TRIM16: variants seen among roughly 807,000 people sequenced by gnomAD.
TRIM16 encodes the protein tripartite motif containing 16, also known as tripartite motif-containing protein 16.
TRIM16 carries 33 observed loss-of-function variants against 50.4 expected under a neutral mutation model. That is an observed-to-expected ratio of 0.65 (90% CI 0.50 to 0.88). The LOEUF (loss-of-function observed/expected upper bound fraction) is 0.88, where lower values mean the gene tolerates loss of function less well. Among genes scored for constraint, TRIM16 ranks in the 40% least tolerant of loss-of-function variants. TRIM16 has a pLI of 0.00. For synonymous variants in TRIM16, 229 were observed against 270.7 expected (o/e 0.85, Z 1.51); for missense variants, 581 against 686.8 (o/e 0.85, Z 1.72).
At chr17:15,653,808 G>C (rs1987841904) in intron 6 of TRIM16, among the ~76,000 whole-genome samples, 1 of 152,202 alleles carries the variant, frequency 6.6e-6, no homozygotes, top group Non-Finnish European at 1.5e-5. Flanking sequence ...GAAGAAAGAG[G>C]CTGCGAGGCA....
chr17:15,649,844 G>C (rs1385516249), intron 7 of TRIM16, among the ~76,000 whole-genome samples: 7 of 152,286 alleles, frequency 4.6e-5, no homozygotes, highest in South Asian at 2.1e-4. Flanking sequence ...TTTGAAGATT[G>C]GGTGAGAAAA....
intron 4 of TRIM16, among the ~76,000 whole-genome samples, chr17:15,680,656 G>A (rs1361938043): frequency 6.6e-6 from 1 of 152,020 alleles, no homozygotes; most frequent in African/African-American, 2.4e-5. Flanking sequence ...ATACAACTGA[G>A]GAACACGCAA....
chr17:15,660,853 G>A lies in TRIM16; in HGVS notation c.-337-8907C>T, dbSNP rs532927063. On this transcript the variant is annotated intron_variant, in intron 6 of 11. Transcript: ENST00000649191. ...GCAGAGCTTGCAGTGAGCCAAGATC[G>A]TGCCACTGCACTCCAGCCTGGGCGA... Among the ~76,000 whole-genome samples the A allele has an allele frequency of 1.9e-3, 274 of 141,308 alleles. 1 individual carries two copies. Among genetic ancestry groups the A allele is most frequent in the Middle Eastern group, 3.7e-3 (1 of 268 alleles). The allele number at this position is 141,308 out of a possible 152,430, so 92.7% of individuals were successfully genotyped here.
intron 8 of TRIM16, among the ~76,000 whole-genome samples, chr17:15,636,927 T>A (rs1437175811): frequency 6.7e-6 from 1 of 149,534 alleles, no homozygotes; most frequent in Non-Finnish European, 1.5e-5. Context: ...TGTGGACTCT[T>A]TTGCATGGTA....
chr17:15,664,686 C>A (rs922881503), intron 6 of TRIM16, among the ~76,000 whole-genome samples: 1 of 152,060 alleles, frequency 6.6e-6, no homozygotes, highest in Non-Finnish European at 1.5e-5. Context: ...AGTGAAGTGG[C>A]TCCTGTCACA....
intron 11 of TRIM16, among the ~76,000 whole-genome samples, chr17:15,630,844 T>C (rs1429378726): frequency 6.6e-6 from 1 of 150,416 alleles, no homozygotes. Context: ...CATATATATA[T>C]GTCTACATGT....
In TRIM16 at chr17:15,650,614, T is replaced by C. The variant is rs574389447; in HGVS notation, c.519+477A>G. Among the ~76,000 whole-genome samples the C allele has an allele frequency of 5.9e-5, 9 of 152,226 alleles. No individual in the cohort carries two copies. In the South Asian group the frequency reaches 6.2e-4, roughly 10 times the overall value. ...TTATCTCCAGAGGGGCCCATTCTAC[T>C]GGTCTCTTGTTTGAGAAAAAGAGAA... On this transcript the variant is annotated intron_variant, in intron 7 of 11. Transcript: ENST00000649191.
chr17:15,666,329 G>T (rs1444822096), intron 6 of TRIM16, among the ~76,000 whole-genome samples: 1 of 152,080 alleles, frequency 6.6e-6, no homozygotes, highest in Non-Finnish European at 1.5e-5. Context: ...TGATCCTTTT[G>T]CCTTGGCCTC....
rs372953527 is a variant in TRIM16 at position 15,678,002 on chromosome 17, G to C, written c.-589-281C>G. 2.5e-4 allele frequency among the ~76,000 whole-genome samples: 38 copies of C among 152,276 alleles called. 1 individual carries two copies. In the East Asian group the frequency reaches 5.8e-3, roughly 23 times the overall value. On this transcript the variant is annotated intron_variant, in intron 4 of 11. Coordinates refer to ENST00000649191, the MANE Select transcript of TRIM16 (RefSeq NM_001348119.1). ...GGAGGCCGAGGTGGGCAGATCACGA[G>C]GTCAGGAGATCGAGACCATCCTGGC...
chr17:15,635,342 G>C (rs551999913), intron 9 of TRIM16, among the ~76,000 whole-genome samples: 1 of 148,878 alleles, frequency 6.7e-6, no homozygotes, highest in South Asian at 2.2e-4. Context: ...TTCCTTCCTC[G>C]AAAGGTTACA....
At chr17:15,672,944 C>T (rs1988784109) in intron 6 of TRIM16, among the ~76,000 whole-genome samples, 1 of 152,218 alleles carries the variant, frequency 6.6e-6, no homozygotes, top group African/African-American at 2.4e-5. Context: ...ATTTAGGCTA[C>T]AAGAGAATTA....
Position 15,651,455 on chromosome 17 carries a change from C to A in TRIM16, c.155G>T (p.Gly52Val). The change falls in exon 7 of 12, where the codon GGC becomes GTC. Residue 52 changes from glycine (G) to valine (V), a missense_variant. Around this residue, in one of 3 missense-constraint regions of TRIM16, gnomAD observed 450 missense variants for 544.3 expected, o/e 0.83. Coordinates refer to ENST00000649191, the MANE Select transcript of TRIM16 (RefSeq NM_001348119.1). ...EEDVGSSEKL[G>V]RETEEQDSDS... ...GCTGTCCTGTTCCTCCGTCTCCCTG[C>A]CAAGCTTCTCCGAGGAGCCCACGTC... is the stretch of plus-strand genomic sequence containing the variant. The A allele has an allele frequency of 6.2e-7, 1 of 1,611,864 alleles. No homozygotes were observed. The highest frequency in any genetic ancestry group is 1.7e-4 in the Middle Eastern group (1 of 6,050).
chr17:15,657,128 T>C (rs368312332), intron 6 of TRIM16, among the ~76,000 whole-genome samples: 1 of 152,316 alleles, frequency 6.6e-6, no homozygotes, highest in East Asian at 1.9e-4. Context: ...TTATTTTTAA[T>C]TGTGATAAAA....
intron 10 of TRIM16, among the ~76,000 whole-genome samples, chr17:15,632,264 C>T (rs1382413969): frequency 6.6e-6 from 1 of 152,082 alleles, no homozygotes; most frequent in Admixed American, 6.6e-5. Context: ...GTAATCTCAG[C>T]TACTAGGGAG....
rs1989241970 is a variant in TRIM16 at position 15,682,980 on chromosome 17, G to C, written c.-776-29C>G. The C allele has an allele frequency of 9.0e-6, 14 of 1,549,338 alleles. No homozygotes were observed. In the South Asian group the frequency reaches 1.7e-4, roughly 19 times the overall value. ...TAAAGAAAAACTAAAATGAGGTTGTGTGTGCATACTGCAGATTCTTGGCTA... is the reference window on the plus strand; with the variant it reads ...TAAAGAAAAACTAAAATGAGGTTGTCTGTGCATACTGCAGATTCTTGGCTA... On this transcript the variant is annotated intron_variant, in intron 2 of 11. Transcript: ENST00000649191.
intron 3 of TRIM16, among the ~76,000 whole-genome samples, chr17:15,681,492 C>T (rs923673892): frequency 6.6e-5 from 10 of 152,362 alleles, no homozygotes; most frequent in Middle Eastern, 3.4e-3. Flanking sequence ...TTGTATGTGT[C>T]GTATCATTCA....
At chr17:15,637,156 T>G (rs1597609454) in intron 8 of TRIM16, among the ~76,000 whole-genome samples, 2 of 117,800 alleles carry the variant, frequency 1.7e-5, no homozygotes, top group African/African-American at 6.6e-5. Context: ...AGCCGCCCCA[T>G]CCGGGAGGGA....
rs1370428410 is a variant in TRIM16, at chr17:15,642,648, C to T, written c.615+73G>A. 2.8e-5 allele frequency: 22 copies of T among 794,236 alleles called. 1 individual carries two copies. Among genetic ancestry groups the T allele is most frequent in the African/African-American group, 1.1e-4 (6 of 56,024 alleles). The allele number at this position is 794,236 out of a possible 1,614,324, so 49.2% of individuals were successfully genotyped here. On this transcript the variant is annotated intron_variant, in intron 8 of 11. Transcript: ENST00000649191. ...TTGTGGAGAAACCCCAAGGAACCTA[C>T]AGGAATGGAGGCTAGGCATGCAGTA... is the stretch of plus-strand genomic sequence containing the variant.
chr17:15,662,332 C>T (rs1988277015), intron 6 of TRIM16, among the ~76,000 whole-genome samples: 1 of 152,178 alleles, frequency 6.6e-6, no homozygotes, highest in African/African-American at 2.4e-5. Context: ...GGGGGACCTT[C>T]TTGTGGATCC....
Sources: allele counts gnomAD v4.1 joint callset (sites outside exome capture counted in the v4.1 genomes callset), GRCh38; gene constraint gnomAD v4.1.1; regional missense constraint gnomAD v4.1.1; transcripts MANE v1.5; gene names NCBI Gene and HGNC (gene_info 2026-07-23, HGNC 2026-07-21).